Variants in ATAT1 observed in about 807,000 individuals in gnomAD.
The protein encoded by ATAT1 is alpha tubulin acetyltransferase 1, also known as alpha-tubulin N-acetyltransferase 1.
ATAT1 carries 42 observed loss-of-function variants against 57.2 expected under a neutral mutation model. The observed-to-expected ratio is 0.73, with a 90% CI of 0.57 to 0.95. The LOEUF (loss-of-function observed/expected upper bound fraction) is 0.95, where lower values mean the gene tolerates loss of function less well. Ranked by LOEUF, ATAT1 falls within the 40% of genes least tolerant of loss-of-function variation. The pLI is 0.00. For synonymous variants in ATAT1, 168 were observed against 187.1 expected, an observed-to-expected ratio of 0.90 and a Z score of 0.83; for missense variants, 454 against 523.7, an observed-to-expected ratio of 0.87 and a Z score of 1.30.
rs368099589 is a variant in ATAT1 at position 30,627,280 on chromosome 6, A to T, written c.71+6A>T. On this transcript the variant is annotated splice_donor_region_variant and intron_variant, in intron 1 of 12. Transcript: ENST00000330083. Reference sequence around the variant, plus strand: ...GGAGTGTGCCACCTTGAAAGGTGTGACAGAAGTTTGGGTTTCAGAAGGGTG... The same window carrying T: ...GGAGTGTGCCACCTTGAAAGGTGTGTCAGAAGTTTGGGTTTCAGAAGGGTG... 2.7e-5 allele frequency: 43 copies of T among 1,613,726 alleles called. No homozygotes were observed. The highest frequency in any genetic ancestry group is 3.6e-5 in the Non-Finnish European group (42 of 1,179,862).
intron 6 of ATAT1, among the ~76,000 whole-genome samples, chr6:30,638,930 C>A (rs1272451924): frequency 6.6e-6 from 1 of 152,220 alleles, no homozygotes; most frequent in Non-Finnish European, 1.5e-5. Context: ...TGGCCTCCAG[C>A]ATGTCTTCCC....
rs1205754625 is a variant in ATAT1 at position 30,646,529 on chromosome 6, A to G, written c.1116A>G (p.Thr372=). The change falls in exon 13 of 13, where the codon ACA becomes ACG. Residue 372 remains threonine (T), a synonymous_variant. Transcript: ENST00000330083. ...GGTCTGGGGAGAAGCCCATGCACAC[A>G]GCTCCTCCACAGGCCCCGGCCCCGC... The G allele has an allele frequency of 1.9e-6, 3 of 1,594,160 alleles. No homozygotes were observed. In the Admixed American group the frequency reaches 5.2e-5, roughly 28 times the overall value.
chr6:30,641,913 C>CA, intron 8 of ATAT1: 1 of 1,290,978 alleles, frequency 7.7e-7, no homozygotes. Context: ...CTGCATCTCC[C>CA]AGGCCCCCAG....
intron 6 of ATAT1, chr6:30,633,545 C>T (rs1763360508): frequency 1.2e-5 from 2 of 162,314 alleles, no homozygotes; most frequent in Admixed American, 6.5e-5. Flanking sequence ...CCTCTGCTGC[C>T]TCAGAGTCTG....
intron 6 of ATAT1, among the ~76,000 whole-genome samples, chr6:30,636,085 G>T (rs934906094): frequency 1.3e-5 from 2 of 152,158 alleles, no homozygotes; most frequent in African/African-American, 4.8e-5. Context: ...TAGGAACATG[G>T]ACAGTTAATC....
chr6:30,636,000 G>A (rs1412826387), intron 6 of ATAT1, among the ~76,000 whole-genome samples: 1 of 152,188 alleles, frequency 6.6e-6, no homozygotes, highest in Non-Finnish European at 1.5e-5. Context: ...CAGAGAAAGT[G>A]GGGAGAACTG....
intron 10 of ATAT1, 64 bp downstream of exon 10, chr6:30,643,075 G>A (rs887318381): frequency 1.9e-6 from 3 of 1,538,992 alleles, no homozygotes; most frequent in South Asian, 1.2e-5. Flanking sequence ...AAATGGCAAA[G>A]GGCAATTTGA....
intron 6 of ATAT1, chr6:30,633,585 TC>T: frequency 5.6e-6 from 1 of 178,170 alleles, no homozygotes. Context: ...CCCCAAACTC[TC>T]ACTTTCTTCT....
intron 8 of ATAT1, chr6:30,640,830 A>C: frequency 1.7e-6 from 1 of 593,006 alleles, no homozygotes; most frequent in Non-Finnish European, 3.0e-6. Context: ...GACAGCTGAT[A>C]TCAATGGACC....
intron 12 of ATAT1, 101 bp downstream of exon 12, chr6:30,646,210 A>G: frequency 6.6e-7 from 1 of 1,508,140 alleles, no homozygotes; most frequent in Non-Finnish European, 8.9e-7. Context: ...TATTGTATGA[A>G]CTGGACACCA....
intron 6 of ATAT1, among the ~76,000 whole-genome samples, chr6:30,630,481 C>T (rs1472034359): frequency 6.6e-6 from 1 of 151,824 alleles, no homozygotes; most frequent in Non-Finnish European, 1.5e-5. Context: ...ATTAAAAATA[C>T]AAAAATTAGC....
At position 30,642,833 on chromosome 6, in the gene ATAT1, G is replaced by GGGGGGGCCGCCCCCCCCCCCCCCCCCCCC; in HGVS notation, c.754_755insGGGGGGCCGCCCCCCCCCCCCCCCCCCCC (p.Ala252GlyfsTer77). 6.5e-7 allele frequency: 1 copy of GGGGGGGCCGCCCCCCCCCCCCCCCCCCCC among 1,537,878 alleles called. No homozygotes were observed. The highest frequency in any genetic ancestry group is 8.7e-7 in the Non-Finnish European group (1 of 1,145,784). Reference sequence around the variant, plus strand: ...GGCCCCTCGCCGCGCCACACCTCCAGCCCACCCACCCCCCCGCTCCAGCAG... The same window carrying GGGGGGGCCGCCCCCCCCCCCCCCCCCCCC: ...GGCCCCTCGCCGCGCCACACCTCCAGGGGGGGCCGCCCCCCCCCCCCCCCCCCCCCCCACCCACCCCCCCGCTCCAGCAG... On this transcript the variant is annotated frameshift_variant, in exon 10 of 13. Coordinates refer to ENST00000330083, the MANE Select transcript of ATAT1 (RefSeq NM_001031722.4). LOFTEE classifies it high-confidence loss of function.
At position 30,626,885 on chromosome 6, in the gene ATAT1, C is replaced by A; in HGVS notation, c.-319C>A. On this transcript the variant is annotated 5_prime_UTR_variant, in exon 1 of 13. Coordinates refer to ENST00000330083, the MANE Select transcript of ATAT1 (RefSeq NM_001031722.4). ...GCGGGTCCGACCGCGCACAATGGGC[C>A]ATGGAGTTCCCGTTCGATGTGGACG... is the stretch of plus-strand genomic sequence containing the variant. The A allele has an allele frequency of 6.2e-7, 1 of 1,605,676 alleles. No homozygotes were observed. Among genetic ancestry groups the A allele is most frequent in the Non-Finnish European group, 8.5e-7 (1 of 1,177,026 alleles).
intron 6 of ATAT1, among the ~76,000 whole-genome samples, chr6:30,639,039 G>A (rs1764789874): frequency 6.6e-6 from 1 of 152,120 alleles, no homozygotes; most frequent in Non-Finnish European, 1.5e-5. Context: ...GGAGTGCAGT[G>A]GCACGATCTC....
chr6:30,634,531 G>A (rs1238494546), intron 6 of ATAT1, among the ~76,000 whole-genome samples: 1 of 151,458 alleles, frequency 6.6e-6, no homozygotes, highest in Admixed American at 6.6e-5. Context: ...TTACAGGCGT[G>A]AGCCACCGGC....
At chr6:30,635,057 T>C (rs537329645) in intron 6 of ATAT1, among the ~76,000 whole-genome samples, 112 of 152,308 alleles carry the variant, frequency 7.4e-4, no homozygotes, top group African/African-American at 2.3e-3. Flanking sequence ...ATGTAGTTAG[T>C]TGTACCATAA....
chr6:30,645,885 T>G lies in ATAT1; in HGVS notation c.933-10T>G. On this transcript the variant is annotated splice_polypyrimidine_tract_variant and intron_variant, in intron 10 of 12. Transcript: ENST00000330083. ...AGCCTCCTCCCCATCATCTCCCATT[T>G]CTTCTACAGGGGGACTCCCCCAGGT... The G allele has an allele frequency of 6.8e-7, 1 of 1,475,260 alleles. No individual in the cohort carries two copies. Among genetic ancestry groups the G allele is most frequent in the Middle Eastern group, 1.8e-4 (1 of 5,412 alleles). 91.4% of individuals were successfully genotyped at this position (1,475,260 alleles called of 1,614,324 possible).
rs3094102 is a variant in ATAT1, at chr6:30,644,718, G to A, written c.933-1177G>A. On this transcript the variant is annotated intron_variant, in intron 10 of 12. Coordinates refer to ENST00000330083, the MANE Select transcript of ATAT1 (RefSeq NM_001031722.4). ...TTTGTGCGTCATCCCTTATTTTCCT[G>A]GGATCTCAGGACCTCTGTCCCTCTC... The A allele has an allele frequency of 9.7e-3, 8,081 of 831,008 alleles. 56 individuals carry two copies. The highest frequency in any genetic ancestry group is 0.024 in the African/African-American group (1,286 of 53,910). The allele number at this position is 831,008 out of a possible 1,614,324, so 51.5% of individuals were successfully genotyped here.
rs1295983160 is a variant in ATAT1, at chr6:30,646,634, G to A, written c.1221G>A (p.Arg407=). The A allele has an allele frequency of 6.4e-7, 1 of 1,561,810 alleles. No individual in the cohort carries two copies. The highest frequency in any genetic ancestry group is 8.7e-7 in the Non-Finnish European group (1 of 1,152,828). The change falls in exon 13 of 13, where the codon AGG becomes AGA. Residue 407 remains arginine, a synonymous_variant. Coordinates refer to ENST00000330083, the MANE Select transcript of ATAT1 (RefSeq NM_001031722.4). ...ACCTGCAGGAACGTCGCAGCACCAG[G>A]CCTTGGTGACCGCAGCCCCGTCAAA...
Sources: gnomAD v4.1 joint callset for allele counts (sites outside exome capture counted in the v4.1 genomes callset) on GRCh38, gnomAD v4.1.1 for gene constraint, MANE v1.5 for transcripts, NCBI Gene and HGNC (gene_info 2026-07-23, HGNC 2026-07-21) for gene names.